The following OLFM1 variants were observed in gnomAD, a reference collection of about 807,000 sequenced individuals.
The protein encoded by OLFM1 is olfactomedin 1.
In OLFM1, 9 loss-of-function variants were observed where a neutral mutation model predicts 49.7. The ratio of observed to expected loss-of-function variants is 0.18; its 90% CI spans 0.11 to 0.32. The LOEUF (loss-of-function observed/expected upper bound fraction) is 0.32, where lower values mean the gene tolerates loss of function less well. Ranked by LOEUF, OLFM1 falls within the 10% of genes least tolerant of loss-of-function variation. The probability of loss-of-function intolerance (pLI) is 1.00; values close to 1 mark genes in which losing one functional copy is unlikely to be tolerated. For missense variants in OLFM1, 369 were observed against 661.8 expected (o/e 0.56, Z 4.85); for synonymous variants, 240 against 271.8 (o/e 0.88, Z 1.15).
intron 3 of OLFM1, chr9:135,097,963 G>T: frequency 7.0e-7 from 1 of 1,436,352 alleles, no homozygotes; most frequent in Non-Finnish European, 9.1e-7. Context: ...GCATGCGACT[G>T]TAGCTGCATT....
rs1224787638 is a variant in OLFM1 at position 135,089,020 on chromosome 9, G to T, written c.150+881G>T. Among the ~76,000 whole-genome samples the T allele has an allele frequency of 3.3e-5, 5 of 152,222 alleles. No individual in the cohort carries two copies. The East Asian group carries it at 5.8e-4, about 18-fold the overall frequency. ...CGGGAAGGCGCGCCCCAGACCACTG[G>T]CCCTTTAGGCTGAAAGGAGAGGTGA... On this transcript the variant is annotated intron_variant, in intron 1 of 5. Transcript: ENST00000371793.
chr9:135,116,427 G>A (rs1438332443), intron 5 of OLFM1, among the ~76,000 whole-genome samples: 5 of 152,276 alleles, frequency 3.3e-5, no homozygotes, highest in East Asian at 1.9e-4. Flanking sequence ...CTGGTGTACT[G>A]GAAGAGAAGG....
chr9:135,110,971 G>A (rs1831014308), intron 5 of OLFM1, among the ~76,000 whole-genome samples: 2 of 152,230 alleles, frequency 1.3e-5, no homozygotes, highest in Admixed American at 6.5e-5. Flanking sequence ...AGAGGCATTT[G>A]GGACGGCAGT....
rs1233390829 is a variant in OLFM1, at chr9:135,090,356, CAG to C, written c.300+15_300+16del. 8.7e-6 allele frequency: 14 copies of C among 1,604,930 alleles called. No individual in the cohort carries two copies. Among genetic ancestry groups the C allele is most frequent in the South Asian group, 1.1e-5 (1 of 90,340 alleles). On this transcript the variant is annotated intron_variant, in intron 2 of 5. Transcript: ENST00000371793. Reference sequence around the variant, plus strand: ...AGCTACTGGAGAAGGTGAGTCTGCGCAGAGTGTGTGAGTTTGTATGTGTGTGT... The same window carrying C: ...AGCTACTGGAGAAGGTGAGTCTGCGCAGTGTGTGAGTTTGTATGTGTGTGT...
At chr9:135,109,634 C>G (rs1289081894) in intron 5 of OLFM1, among the ~76,000 whole-genome samples, 1 of 152,116 alleles carries the variant, frequency 6.6e-6, no homozygotes, top group African/African-American at 2.4e-5. Context: ...TTGATCTAGG[C>G]CAGCCGTGGT....
intron 4 of OLFM1, chr9:135,106,000 G>A (rs1023223815): frequency 6.6e-6 from 1 of 152,578 alleles, no homozygotes; most frequent in African/African-American, 2.4e-5. Flanking sequence ...GGGGGCTCCA[G>A]CCTCAGTCCA....
intron 5 of OLFM1, among the ~76,000 whole-genome samples, chr9:135,107,577 C>T (rs1830963168): frequency 6.6e-6 from 1 of 152,036 alleles, no homozygotes; most frequent in Non-Finnish European, 1.5e-5. Flanking sequence ...TTGTAGACTC[C>T]CTCCAAAGTG....
chr9:135,089,410 G>A (rs1023336336), intron 1 of OLFM1, among the ~76,000 whole-genome samples: 1 of 152,084 alleles, frequency 6.6e-6, no homozygotes, highest in African/African-American at 2.4e-5. Flanking sequence ...TGCCCGCCCC[G>A]GTACCTGGCA....
chr9:135,119,457 C>T (rs1831156262), intron 5 of OLFM1, 47 bp from the exon 6 acceptor site: 2 of 1,500,654 alleles, frequency 1.3e-6, no homozygotes, highest in African/African-American at 1.4e-5. Context: ...TTGGAGTACT[C>T]ACTGGGTCTT....
chr9:135,119,491 G>T lies in OLFM1; in HGVS notation c.784-13G>T. The T allele has an allele frequency of 6.3e-7, 1 of 1,587,320 alleles. No homozygotes were observed. Among genetic ancestry groups the T allele is most frequent in the Non-Finnish European group, 8.6e-7 (1 of 1,165,716 alleles). Reference sequence around the variant, plus strand: ...TTTGGAAGTGCTCACCACCGGGTCTGCTCTCTCCACAGGTGTGGTACATGG... The same window carrying T: ...TTTGGAAGTGCTCACCACCGGGTCTTCTCTCTCCACAGGTGTGGTACATGG... On this transcript the variant is annotated splice_polypyrimidine_tract_variant and intron_variant, in intron 5 of 5. Coordinates refer to ENST00000371793, the MANE Select transcript of OLFM1 (RefSeq NM_001282611.2).
chr9:135,110,801 T>C (rs11103675), intron 5 of OLFM1, among the ~76,000 whole-genome samples: 27,601 of 152,038 alleles, frequency 0.18, 2,637 homozygotes, highest in African/African-American at 0.22. Flanking sequence ...CGCTTTAGAG[T>C]GTCTTTTCCA....
At position 135,098,269 on chromosome 9, in the gene OLFM1, T is replaced by G; in HGVS notation, c.457-17T>G. On this transcript the variant is annotated splice_polypyrimidine_tract_variant and intron_variant, in intron 3 of 5. Transcript: ENST00000371793. The surrounding 1 kb of genome is among the most constrained non-coding windows in gnomAD (Gnocchi z 5.6). ...CTTGCATGCATCGCACTGAACCAGC[T>G]TATTTTAACCTTGCAGGCGATAAAA... is the stretch of plus-strand genomic sequence containing the variant. 6.2e-7 allele frequency: 1 copy of G among 1,612,708 alleles called. No homozygotes were observed. The highest frequency in any genetic ancestry group is 1.6e-4 in the Middle Eastern group (1 of 6,062).
intron 5 of OLFM1, among the ~76,000 whole-genome samples, chr9:135,118,411 T>TCTTTGGCATGCTCGCTGG (rs1564282139): frequency 1.9e-5 from 2 of 105,244 alleles, no homozygotes; most frequent in African/African-American, 7.2e-5. Context: ...GTGCTCGCTG[T>TCTTTGGCATGCTCGCTGG]GTCTTTGGAG....
chr9:135,095,338 G>A (rs570810373), intron 2 of OLFM1: 1 of 153,112 alleles, frequency 6.5e-6, no homozygotes, highest in East Asian at 1.9e-4. Context: ...CCTTCACTCT[G>A]CACTTAAGTA....
chr9:135,097,220 A>G (rs543894721), intron 3 of OLFM1, among the ~76,000 whole-genome samples: 19 of 152,346 alleles, frequency 1.2e-4, no homozygotes, highest in Middle Eastern at 3.4e-3. Flanking sequence ...ATGGCAAGCT[A>G]ATGAAATTAT....
exon 1 of OLFM1, chr9:135,075,604 G>A (rs1830452541): frequency 4.2e-6 from 3 of 710,176 alleles, no homozygotes; most frequent in Non-Finnish European, 6.2e-6. Flanking sequence ...CAGGCGTGGG[G>A]ACACGAGCCA....
intron 3 of OLFM1, among the ~76,000 whole-genome samples, chr9:135,096,355 TCTC>T (rs1430076919): frequency 2.0e-5 from 3 of 151,200 alleles, no homozygotes; most frequent in Non-Finnish European, 4.4e-5. Flanking sequence ...CTCTCCTTCT[TCTC>T]CTCCTCTGAG....
chr9:135,106,894 A>G, intron 5 of OLFM1, 39 bp downstream of exon 5: 1 of 1,517,016 alleles, frequency 6.6e-7, no homozygotes, highest in South Asian at 1.2e-5. Context: ...CATTTGGGCA[A>G]GGGCGCTCTC....
chr9:135,084,449 CCT>C (rs10672691), upstream of OLFM1, among the ~76,000 whole-genome samples: 12 of 145,676 alleles, frequency 8.2e-5, no homozygotes, highest in Admixed American at 1.4e-4. This position sits in a 1 kb window ranked among gnomAD's most constrained non-coding sequence, Gnocchi z 4.6. Context: ...TATTATCTCT[CCT>C]CTCTGTCTCT....
Sources: gnomAD v4.1 joint callset for allele counts (sites outside exome capture counted in the v4.1 genomes callset) on GRCh38, gnomAD v4.1.1 for gene constraint, Gnocchi (gnomAD v3.1) non-coding constraint, MANE v1.5 for transcripts, NCBI Gene and HGNC (gene_info 2026-07-23, HGNC 2026-07-21) for gene names.